MGAT4C: variants seen among roughly 807,000 people sequenced by gnomAD.
MGAT4C encodes the protein MGAT4 family member C.
Under a neutral mutation model 40.1 loss-of-function variants are expected in MGAT4C, and 19 were observed. The observed-to-expected ratio is 0.47, with a 90% confidence interval of 0.33 to 0.70. The LOEUF is 0.70. Ranked by LOEUF, MGAT4C falls within the 30% of genes least tolerant of loss-of-function variation. MGAT4C has a pLI of 0.02. For missense variants in MGAT4C, 491 were observed against 563.2 expected (o/e 0.87, Z 1.30); for synonymous variants, 181 against 187.1 (o/e 0.97, Z 0.27).
intron 2 of MGAT4C, among the ~76,000 whole-genome samples, chr12:86,713,784 C>T (rs1273492439): frequency 1.3e-5 from 2 of 152,032 alleles, no homozygotes; most frequent in Non-Finnish European, 2.9e-5. Flanking sequence ...AGTAACTTTT[C>T]CAAAGTCCCA....
At chr12:86,454,050 G>A (rs1957469859) in intron 2 of MGAT4C, among the ~76,000 whole-genome samples, 1 of 151,980 alleles carries the variant, frequency 6.6e-6, no homozygotes, top group South Asian at 2.1e-4. Flanking sequence ...TGTTTTCAAA[G>A]AGCCAATAAA....
At chr12:86,042,270 A>G (rs1891934264) in intron 2 of MGAT4C, among the ~76,000 whole-genome samples, 1 of 152,172 alleles carries the variant, frequency 6.6e-6, no homozygotes, top group Non-Finnish European at 1.5e-5. Flanking sequence ...CCAACCTGCC[A>G]CTTTGTGCCT....
intron 2 of MGAT4C, among the ~76,000 whole-genome samples, chr12:86,719,702 G>A (rs1950706056): frequency 6.6e-6 from 1 of 152,142 alleles, no homozygotes; most frequent in Non-Finnish European, 1.5e-5. Flanking sequence ...TCTGCTCACA[G>A]AAATCCTGAA....
chr12:86,084,214 T>G (rs746842321), intron 1 of MGAT4C, among the ~76,000 whole-genome samples: 3 of 152,030 alleles, frequency 2.0e-5, no homozygotes, highest in Non-Finnish European at 4.4e-5. Context: ...TGGTGAGCAT[T>G]ATATAGAAAA....
intron 2 of MGAT4C, among the ~76,000 whole-genome samples, chr12:86,522,995 T>A (rs879598555): frequency 1.3e-5 from 2 of 152,118 alleles, no homozygotes; most frequent in African/African-American, 2.4e-5. Flanking sequence ...TCTCTTTTCT[T>A]CTTTATTAGT....
intron 1 of MGAT4C, among the ~76,000 whole-genome samples, chr12:86,776,262 T>A (rs531611756): frequency 6.6e-6 from 1 of 152,140 alleles, no homozygotes; most frequent in East Asian, 1.9e-4. Flanking sequence ...GAAATGGGAA[T>A]GATAAAAAAT....
chr12:86,276,115 CAA>C (rs138008496), intron 4 of MGAT4C, among the ~76,000 whole-genome samples: 4 of 142,402 alleles, frequency 2.8e-5, no homozygotes, highest in Admixed American at 7.0e-5. Flanking sequence ...AAGACTCCGT[CAA>C]AAAAAAAAAA....
chr12:86,279,981 C>T (rs1198913334), intron 4 of MGAT4C, among the ~76,000 whole-genome samples: 1 of 151,890 alleles, frequency 6.6e-6, no homozygotes, highest in African/African-American at 2.4e-5. Flanking sequence ...TCATTATGAT[C>T]AGAGAAGATG....
intron 2 of MGAT4C, among the ~76,000 whole-genome samples, chr12:86,573,278 T>G (rs1428516042): frequency 1.3e-5 from 2 of 152,032 alleles, no homozygotes; most frequent in African/African-American, 4.8e-5. Context: ...CATGCATTTT[T>G]AAACACAGAA....
In MGAT4C at chr12:85,983,569, T is replaced by G. The variant is rs1592603159; in HGVS notation, c.249A>C (p.Ile83=). The G allele has an allele frequency of 6.3e-7, 1 of 1,599,752 alleles. No homozygotes were observed. The highest frequency in any genetic ancestry group is 8.5e-7 in the Non-Finnish European group (1 of 1,173,592). The part of the protein sequence containing the change: ...FKDLSNFSGA[I]NVTYRYLAAT... ...CAGCTAGGTAGCGATAGGTGACATT[T>G]ATGGCTCCTGAGAAATTAGATAAAT... Residue 83 remains isoleucine, a synonymous_variant, in exon 4 of 5, where the codon ATA becomes ATC. Coordinates refer to ENST00000611864, the MANE Select transcript of MGAT4C (RefSeq NM_001351288.2).
chr12:86,088,429 C>G (rs753669331), intron 1 of MGAT4C, among the ~76,000 whole-genome samples: 6 of 151,930 alleles, frequency 3.9e-5, no homozygotes, highest in Non-Finnish European at 8.8e-5. Flanking sequence ...ACAGAGTAAC[C>G]ACACAACCTA....
intron 1 of MGAT4C, among the ~76,000 whole-genome samples, chr12:86,771,684 ATATGTGTGTG>A (rs1410787658): frequency 7.2e-4 from 95 of 131,230 alleles, no homozygotes; most frequent in African/African-American, 3.0e-3. Flanking sequence ...ACATAAATAT[ATATGTGTGTG>A]TGTGTGTGTG....
At position 85,959,065 on chromosome 12, in the gene MGAT4C, TAC is replaced by T. The variant is rs1882975303; in HGVS notation, c.*20222_*20223del. ...TACAATACAATACAATACAATACAA[TAC>T]AATACAATACAATACAATACATGTA... is the stretch of plus-strand genomic sequence containing the variant. On this transcript the variant is annotated 3_prime_UTR_variant, in exon 5 of 5. Transcript: ENST00000611864. 6.6e-6 allele frequency: 1 copy of T among 151,864 alleles called. No homozygotes were observed. Among genetic ancestry groups the T allele is most frequent in the African/African-American group, 2.4e-5 (1 of 41,348 alleles). 9.4% of individuals were successfully genotyped at this position (151,864 alleles called of 1,614,324 possible).
chr12:86,774,401 CTCTCT>C (rs1951716193), intron 1 of MGAT4C, among the ~76,000 whole-genome samples: 1 of 61,500 alleles, frequency 1.6e-5, no homozygotes, highest in Admixed American at 2.7e-4. Flanking sequence ...TCTCTCCTCT[CTCTCT>C]CTCTCTCTCT....
intron 1 of MGAT4C, among the ~76,000 whole-genome samples, chr12:86,253,890 A>G (rs1952406783): frequency 6.6e-6 from 1 of 151,996 alleles, no homozygotes; most frequent in Admixed American, 6.6e-5. Context: ...AAAATATACA[A>G]AAGAGTATTA....
At chr12:86,459,527 C>G (rs1157442138) in intron 2 of MGAT4C, among the ~76,000 whole-genome samples, 1 of 151,948 alleles carries the variant, frequency 6.6e-6, no homozygotes, top group Non-Finnish European at 1.5e-5. Context: ...AAAATGAGAA[C>G]CTCACTCATG....
At chr12:86,761,085 C>T (rs1951396651) in intron 1 of MGAT4C, among the ~76,000 whole-genome samples, 1 of 152,072 alleles carries the variant, frequency 6.6e-6, no homozygotes, top group African/African-American at 2.4e-5. Flanking sequence ...TTATAGAATT[C>T]AATTATACCT....
intron 1 of MGAT4C, among the ~76,000 whole-genome samples, chr12:86,797,356 T>C (rs1354945113): frequency 1.3e-5 from 2 of 151,876 alleles, no homozygotes; most frequent in Non-Finnish European, 2.9e-5. Context: ...AGTTTTTTTT[T>C]TTACTTTTTA....
chr12:86,333,415 C>G (rs1954715787), intron 4 of MGAT4C, among the ~76,000 whole-genome samples: 2 of 152,162 alleles, frequency 1.3e-5, no homozygotes, highest in South Asian at 4.1e-4. Context: ...CTCTGTGCCT[C>G]TTGCTCTTTT....
Sources: gnomAD v4.1 joint callset for allele counts (sites outside exome capture counted in the v4.1 genomes callset) on GRCh38, gnomAD v4.1.1 for gene constraint, MANE v1.5 for transcripts, NCBI Gene and HGNC (gene_info 2026-07-23, HGNC 2026-07-21) for gene names.